Variants in PCDHGA7 observed in about 807,000 individuals in gnomAD.
PCDHGA7 encodes protocadherin gamma subfamily A, 7, also known as protocadherin gamma-A7.
In PCDHGA7, 44 loss-of-function variants were observed where a neutral mutation model predicts 58.3. That is an observed-to-expected ratio of 0.75 (90% CI 0.59 to 0.97). PCDHGA7 has a LOEUF of 0.97. PCDHGA7 is among the 50% of genes least tolerant of loss of function. PCDHGA7 has a pLI of 0.00. For synonymous variants in PCDHGA7, 516 were observed against 504.2 expected (o/e 1.02, Z -0.31); for missense variants, 1,266 against 1,188.7 (o/e 1.06, Z -0.96).
intron 1 of PCDHGA7, chr5:141,409,618 G>C: frequency 6.2e-7 from 1 of 1,613,894 alleles, no homozygotes; most frequent in Non-Finnish European, 8.5e-7. Context: ...CCTCCATTGC[G>C]CAAGTGAGCG....
chr5:141,419,209 G>A (rs541061354), intron 1 of PCDHGA7: 11 of 1,613,900 alleles, frequency 6.8e-6, no homozygotes, highest in South Asian at 5.5e-5. Context: ...ACAACGCGCC[G>A]GTTTTCGGAC....
chr5:141,423,758 G>GGT (rs138224377), intron 1 of PCDHGA7: 10 of 366,772 alleles, frequency 2.7e-5, no homozygotes, highest in Non-Finnish European at 1.5e-5. Flanking sequence ...TTTGGGGGGG[G>GGT]GGTGGGGCGG....
At position 141,383,526 on chromosome 5, in the gene PCDHGA7, C is replaced by T; in HGVS notation, c.627C>T (p.His209=). Residue 209 remains histidine, a synonymous_variant, in exon 1 of 4, where the codon CAC becomes CAT. Coordinates refer to ENST00000518325, the MANE Select transcript of PCDHGA7 (RefSeq NM_018920.4). ...VLDREEERVH[H]LVLTASDGGD... Reference sequence around the variant, plus strand: ...ACCGGGAGGAAGAGCGGGTTCACCACCTGGTCCTCACAGCCTCTGATGGCG... The same window carrying T: ...ACCGGGAGGAAGAGCGGGTTCACCATCTGGTCCTCACAGCCTCTGATGGCG... 1 of 1,612,534 alleles carries T rather than the reference C, an allele frequency of 6.2e-7. No individual in the cohort carries two copies. The highest frequency in any genetic ancestry group is 8.5e-7 in the Non-Finnish European group (1 of 1,179,372).
Position 141,432,331 on chromosome 5 carries a change from G to A in PCDHGA7, c.2424+47008G>A, listed in dbSNP as rs763952193. Reference sequence around the variant, plus strand: ...CGCTGAGCTCCTTCGACTACGAGCAGTTCCGAGACTTGCAAGTGAAAGTGA... The same window carrying A: ...CGCTGAGCTCCTTCGACTACGAGCAATTCCGAGACTTGCAAGTGAAAGTGA... On this transcript the variant is annotated intron_variant, in intron 1 of 3. Transcript: ENST00000518325. The surrounding 1 kb of genome is among the most constrained non-coding windows in gnomAD (Gnocchi z 6.0). The A allele has an allele frequency of 1.2e-6, 2 of 1,614,278 alleles. No individual in the cohort carries two copies. Among genetic ancestry groups the A allele is most frequent in the East Asian group, 2.2e-5 (1 of 44,888 alleles).
chr5:141,393,527 T>C, intron 1 of PCDHGA7: 2 of 1,613,990 alleles, frequency 1.2e-6, no homozygotes, highest in South Asian at 1.1e-5. Context: ...CAAATGACAA[T>C]GCCCCGGTTT....
intron 2 of PCDHGA7, among the ~76,000 whole-genome samples, chr5:141,501,528 A>G (rs1173385747): frequency 6.6e-6 from 1 of 151,978 alleles, no homozygotes; most frequent in Non-Finnish European, 1.5e-5. Context: ...GAAGCCCAGT[A>G]CGTTGTTGTG....
chr5:141,455,133 C>G (rs1172825339), intron 1 of PCDHGA7, among the ~76,000 whole-genome samples: 2 of 151,392 alleles, frequency 1.3e-5, no homozygotes, highest in African/African-American at 4.9e-5. Context: ...TTAAATTACA[C>G]TGTGTTAAAT....
rs370242892 is a variant in PCDHGA7 at position 141,420,225 on chromosome 5, C to A, written c.2424+34902C>A. On this transcript the variant is annotated intron_variant, in intron 1 of 3. Coordinates refer to ENST00000518325, the MANE Select transcript of PCDHGA7 (RefSeq NM_018920.4). ...CTCAACAAAGATAGCATGCTACTGGCTAGCATTTTAACTCCCAGCGTTGAA... is the reference window on the plus strand; with the variant it reads ...CTCAACAAAGATAGCATGCTACTGGATAGCATTTTAACTCCCAGCGTTGAA... 13 of 1,603,470 alleles carry A rather than the reference C, an allele frequency of 8.1e-6. No homozygotes were observed. In the African/African-American group the frequency reaches 1.7e-4, roughly 21 times the overall value.
Position 141,477,203 on chromosome 5 carries a change from G to T in PCDHGA7, c.2425-17604G>T. On this transcript the variant is annotated intron_variant, in intron 1 of 3. Coordinates refer to ENST00000518325, the MANE Select transcript of PCDHGA7 (RefSeq NM_018920.4). The surrounding 1 kb of genome is among the most constrained non-coding windows in gnomAD (Gnocchi z 4.9). ...CACCTCCGTGTACAGCCCAGTACCC[G>T]AGGATGCCCCTCTGGGGACTGTCAT... 1 of 1,614,176 alleles carries T rather than the reference G, an allele frequency of 6.2e-7. No individual in the cohort carries two copies. The highest frequency in any genetic ancestry group is 1.1e-5 in the South Asian group (1 of 91,082).
At position 141,383,991 on chromosome 5, in the gene PCDHGA7, A is replaced by G; in HGVS notation, c.1092A>G (p.Thr364=). ...TCCCTGAAGACACACCTCTTGGGAC[A>G]GTCATTGCTCTTTTCTACCTACAAG... is the stretch of plus-strand genomic sequence containing the variant. The part of the protein sequence containing the change: ...SSIPEDTPLG[T]VIALFYLQDR... Residue 364 remains threonine (T), a synonymous_variant, in exon 1 of 4, where the codon ACA becomes ACG. Transcript: ENST00000518325. 6.2e-7 allele frequency: 1 copy of G among 1,613,866 alleles called. No individual in the cohort carries two copies. Among genetic ancestry groups the G allele is most frequent in the Non-Finnish European group, 8.5e-7 (1 of 1,179,810 alleles).
At chr5:141,415,347 C>G in intron 1 of PCDHGA7, 1 of 1,614,238 alleles carries the variant, frequency 6.2e-7, no homozygotes, top group South Asian at 1.1e-5. Flanking sequence ...GGCGCTGGCA[C>G]AAGTCACGCC....
intron 1 of PCDHGA7, among the ~76,000 whole-genome samples, chr5:141,454,209 T>A (rs2098783885): frequency 6.6e-6 from 1 of 152,088 alleles, no homozygotes; most frequent in South Asian, 2.1e-4. Flanking sequence ...TTTATTGACA[T>A]GAATGAGAAA....
At chr5:141,400,065 A>G (rs1012484805) in intron 1 of PCDHGA7, 3 of 1,613,758 alleles carry the variant, frequency 1.9e-6, no homozygotes, top group African/African-American at 1.3e-5. Flanking sequence ...GTGATGGTGG[A>G]CAGCCGCCAC....
intron 1 of PCDHGA7, chr5:141,423,397 C>A: frequency 1.9e-6 from 3 of 1,614,146 alleles, no homozygotes; most frequent in Non-Finnish European, 2.5e-6. Context: ...GCATAAGTCA[C>A]GCCTGCTGCA....
Position 141,485,549 on chromosome 5 carries a change from G to A in PCDHGA7, c.2425-9258G>A. 6.2e-7 allele frequency: 1 copy of A among 1,614,030 alleles called. No homozygotes were observed. The highest frequency in any genetic ancestry group is 1.1e-5 in the South Asian group (1 of 91,068). On this transcript the variant is annotated intron_variant, in intron 1 of 3. Transcript: ENST00000518325. The surrounding 1 kb of genome is among the most constrained non-coding windows in gnomAD (Gnocchi z 5.7). ...CCGAGCAGAGGTAGAGATCGTAGATGTGAATGATCACGCCCCCCGTTTTCC... is the reference window on the plus strand; with the variant it reads ...CCGAGCAGAGGTAGAGATCGTAGATATGAATGATCACGCCCCCCGTTTTCC...
At position 141,485,144 on chromosome 5, in the gene PCDHGA7, G is replaced by A; in HGVS notation, c.2425-9663G>A. 6.4e-7 allele frequency: 1 copy of A among 1,564,192 alleles called. No homozygotes were observed. The highest frequency in any genetic ancestry group is 1.7e-5 in the Admixed American group (1 of 59,326). On this transcript the variant is annotated intron_variant, in intron 1 of 3. Transcript: ENST00000518325. This position sits in a 1 kb window ranked among gnomAD's most constrained non-coding sequence, Gnocchi z 5.7. ...CGGGTCGGCTTCATCCGCGTCTCAG[G>A]AGCAAGTAGAGAATTAGCGGGCGGC...
intron 1 of PCDHGA7, among the ~76,000 whole-genome samples, chr5:141,464,431 A>G (rs1352563675): frequency 6.6e-6 from 1 of 151,648 alleles, no homozygotes; most frequent in Non-Finnish European, 1.5e-5. Flanking sequence ...ATATAGATAT[A>G]TATGTTTGTT....
Position 141,476,091 on chromosome 5 carries a change from G to T in PCDHGA7, c.2425-18716G>T, listed in dbSNP as rs1470774975. The T allele has an allele frequency of 1.3e-6, 2 of 1,563,074 alleles. No homozygotes were observed. Among genetic ancestry groups the T allele is most frequent in the Non-Finnish European group, 1.7e-6 (2 of 1,159,286 alleles). On this transcript the variant is annotated intron_variant, in intron 1 of 3. Coordinates refer to ENST00000518325, the MANE Select transcript of PCDHGA7 (RefSeq NM_018920.4). This position sits in a 1 kb window ranked among gnomAD's most constrained non-coding sequence, Gnocchi z 7.6. ...AAATCTCAGGGACGATCTGGACCCC[G>T]CTGAGAGGAACTGCTTTTGAGTGAG...
chr5:141,404,790 A>T, intron 1 of PCDHGA7: 1 of 1,611,288 alleles, frequency 6.2e-7, no homozygotes, highest in East Asian at 2.2e-5. Context: ...AAGGCCAGTG[A>T]GCCAGGGCTC....
Sources: allele counts gnomAD v4.1 joint callset (sites outside exome capture counted in the v4.1 genomes callset), GRCh38; gene constraint gnomAD v4.1.1; non-coding constraint Gnocchi (gnomAD v3.1); transcripts MANE v1.5; gene names NCBI Gene and HGNC (gene_info 2026-07-23, HGNC 2026-07-21).